Variants in IL1RL2 observed in about 807,000 individuals in gnomAD.
IL1RL2 encodes interleukin 1 receptor like 2, also known as interleukin-1 receptor-like 2.
A neutral mutation model predicts 66.8 loss-of-function variants in IL1RL2; 68 were observed. That is an observed-to-expected ratio of 1.02 (90% CI 0.84 to 1.25). The LOEUF is 1.25. IL1RL2 is among the 50% of genes most tolerant of loss of function. IL1RL2 has a pLI of 0.00. For missense variants in IL1RL2, 729 were observed against 709.3 expected, an observed-to-expected ratio of 1.03 and a Z score of -0.32; for synonymous variants, 305 against 264.6, an observed-to-expected ratio of 1.15 and a Z score of -1.48.
chr2:102,214,712 C>T (rs1689453458), intron 6 of IL1RL2, among the ~76,000 whole-genome samples: 1 of 137,558 alleles, frequency 7.3e-6, no homozygotes, highest in South Asian at 2.5e-4. Flanking sequence ...GTCAAAAATG[C>T]TGGAAACAGT....
At chr2:102,218,063 G>A (rs944183838) in intron 6 of IL1RL2, among the ~76,000 whole-genome samples, 1 of 151,918 alleles carries the variant, frequency 6.6e-6, no homozygotes, top group Admixed American at 6.6e-5. Flanking sequence ...AATATAGAAG[G>A]AACTCAAACA....
intron 5 of IL1RL2, among the ~76,000 whole-genome samples, chr2:102,205,183 T>C (rs1187868037): frequency 6.6e-6 from 1 of 152,156 alleles, no homozygotes; most frequent in African/African-American, 2.4e-5. Flanking sequence ...TTTTAACTTT[T>C]TGTTGCTTCT....
intron 4 of IL1RL2, among the ~76,000 whole-genome samples, chr2:102,195,686 CTTT>C (rs1559530674): frequency 4.9e-5 from 6 of 121,608 alleles, no homozygotes; most frequent in South Asian, 2.9e-4. Context: ...TTTCTTTCTT[CTTT>C]CTTCCTTCCT....
intron 9 of IL1RL2, among the ~76,000 whole-genome samples, chr2:102,227,802 C>G (rs1690761356): frequency 6.6e-6 from 1 of 152,184 alleles, no homozygotes; most frequent in Non-Finnish European, 1.5e-5. Flanking sequence ...GTGTGTCTCT[C>G]TCACTGTCTC....
chr2:102,231,228 A>T (rs1419580275), intron 9 of IL1RL2, among the ~76,000 whole-genome samples: 3 of 152,172 alleles, frequency 2.0e-5, no homozygotes, highest in Non-Finnish European at 2.9e-5. Flanking sequence ...CCCCTGCAAG[A>T]CTGTTTACCA....
At chr2:102,195,319 C>A (rs535764490) in intron 4 of IL1RL2, among the ~76,000 whole-genome samples, 2 of 152,138 alleles carry the variant, frequency 1.3e-5, no homozygotes, top group Non-Finnish European at 2.9e-5. Context: ...CTTTTTCCTA[C>A]CCCTAAGTAA....
chr2:102,192,585 T>C (rs892461600), intron 4 of IL1RL2, among the ~76,000 whole-genome samples: 3 of 149,264 alleles, frequency 2.0e-5, no homozygotes, highest in South Asian at 4.1e-4. Flanking sequence ...TACTAGCAAA[T>C]AAAAATATAT....
intron 11 of IL1RL2, 67 bp from the exon 12 acceptor site, chr2:102,239,125 G>A: frequency 6.9e-7 from 1 of 1,456,366 alleles, no homozygotes; most frequent in South Asian, 1.1e-5. Flanking sequence ...CCCATGGCAG[G>A]TTTCCTTATC....
chr2:102,217,011 T>TTTCAGAA (rs1689671242), intron 6 of IL1RL2, among the ~76,000 whole-genome samples: 1 of 152,178 alleles, frequency 6.6e-6, no homozygotes, highest in South Asian at 2.1e-4. Flanking sequence ...CATAGCGCCA[T>TTTCAGAA]TTCAGAATTG....
intron 3 of IL1RL2, among the ~76,000 whole-genome samples, chr2:102,189,737 C>CT (rs2104702788): frequency 1.3e-5 from 2 of 152,356 alleles, no homozygotes; most frequent in Admixed American, 1.3e-4. Flanking sequence ...CCTGCCTCAG[C>CT]TTCCGAAGTA....
At chr2:102,240,995 C>T (rs1675215641), downstream of IL1RL2, among the ~76,000 whole-genome samples, 1 of 152,278 alleles carries the variant, frequency 6.6e-6, no homozygotes, top group Non-Finnish European at 1.5e-5. Flanking sequence ...CCTACGGCGC[C>T]ATTGCGCCCT....
intron 4 of IL1RL2, among the ~76,000 whole-genome samples, chr2:102,195,609 CTTTCTT>C (rs1559530047): frequency 1.1e-4 from 2 of 17,910 alleles, no homozygotes; most frequent in Admixed American, 1.0e-3. Flanking sequence ...TTCTTTCTTT[CTTTCTT>C]TCTTTCTTTC....
intron 1 of IL1RL2, 172 bp downstream of exon 1, chr2:102,187,258 C>G: frequency 8.4e-7 from 1 of 1,187,000 alleles, no homozygotes; most frequent in African/African-American, 1.6e-5. Flanking sequence ...GACTCCGTCT[C>G]TGGGTCGAGG....
In IL1RL2 at chr2:102,196,951, T is replaced by C. The variant is rs1181014709; in HGVS notation, c.490-4605T>C. Among the ~76,000 whole-genome samples, 10 of 152,168 alleles carry C rather than the reference T, an allele frequency of 6.6e-5. No individual in the cohort carries two copies. In the East Asian group the frequency reaches 7.7e-4, roughly 12 times the overall value. On this transcript the variant is annotated intron_variant, in intron 4 of 11. Coordinates refer to ENST00000264257, the MANE Select transcript of IL1RL2 (RefSeq NM_003854.4). ...AGTCCTTCTGTGGGGCTATAGTGAA[T>C]ACATTGGAAGGCCTTGAGAATGGTG...
chr2:102,190,963 A>G (rs1687180857), intron 3 of IL1RL2, among the ~76,000 whole-genome samples: 1 of 152,182 alleles, frequency 6.6e-6, no homozygotes, highest in Admixed American at 6.5e-5. Context: ...GAAACTGTAT[A>G]TTTTTACTTT....
chr2:102,203,432 C>T (rs1688441824), intron 5 of IL1RL2, among the ~76,000 whole-genome samples: 1 of 151,800 alleles, frequency 6.6e-6, no homozygotes, highest in Admixed American at 6.6e-5. Context: ...TCTTCTCATC[C>T]TCTATTTTTT....
At chr2:102,235,509 G>A (rs773203305) in intron 11 of IL1RL2, 31 of 985,332 alleles carry the variant, frequency 3.1e-5, no homozygotes, top group Non-Finnish European at 3.7e-5. Context: ...TAGCCTATGG[G>A]CTTATTGACA....
At chr2:102,241,332 G>C (rs952987202), downstream of IL1RL2, among the ~76,000 whole-genome samples, 2 of 152,166 alleles carry the variant, frequency 1.3e-5, no homozygotes, top group Non-Finnish European at 2.9e-5. Flanking sequence ...CGGTCATAGG[G>C]ATTTCAGAGA....
chr2:102,187,845 C>T lies in IL1RL2; in HGVS notation c.-12-11C>T, dbSNP rs1163429172. 2.5e-6 allele frequency: 4 copies of T among 1,613,846 alleles called. No individual in the cohort carries two copies. The highest frequency in any genetic ancestry group is 2.2e-5 in the East Asian group (1 of 44,876). Reference sequence around the variant, plus strand: ...GTCCTCCCCTCCCACCCTCTTCTCCCTTCCTTGCAGCCCGGTTTGGGGATG... The same window carrying T: ...GTCCTCCCCTCCCACCCTCTTCTCCTTTCCTTGCAGCCCGGTTTGGGGATG... On this transcript the variant is annotated splice_polypyrimidine_tract_variant and intron_variant, in intron 1 of 11. Coordinates refer to ENST00000264257, the MANE Select transcript of IL1RL2 (RefSeq NM_003854.4).
Sources: allele counts gnomAD v4.1 joint callset (sites outside exome capture counted in the v4.1 genomes callset), GRCh38; gene constraint gnomAD v4.1.1; transcripts MANE v1.5; gene names NCBI Gene and HGNC (gene_info 2026-07-23, HGNC 2026-07-21).